UNC93A: variants seen among roughly 807,000 people sequenced by gnomAD.
UNC93A encodes unc-93 homolog A.
A neutral mutation model predicts 47.5 loss-of-function variants in UNC93A; 43 were observed. The observed-to-expected ratio is 0.91, with a 90% confidence interval of 0.71 to 1.17. The LOEUF (loss-of-function observed/expected upper bound fraction) is 1.17. Among genes scored for constraint, UNC93A ranks in the 50% most tolerant of loss-of-function variants. The probability of loss-of-function intolerance (pLI) is 0.00; values close to 1 mark genes in which losing one functional copy is unlikely to be tolerated. For missense variants in UNC93A, 605 were observed against 577.6 expected (o/e 1.05, Z -0.49); for synonymous variants, 280 against 258.0 (o/e 1.09, Z -0.82).
intron 4 of UNC93A, among the ~76,000 whole-genome samples, chr6:167,300,845 C>T (rs1171029469): frequency 6.6e-6 from 1 of 152,202 alleles, no homozygotes; most frequent in Non-Finnish European, 1.5e-5. Flanking sequence ...AGTTAGGCAG[C>T]CACCAACAAA....
intron 7 of UNC93A, among the ~76,000 whole-genome samples, chr6:167,310,130 TC>T (rs139403283): frequency 6.6e-6 from 1 of 152,302 alleles, no homozygotes; most frequent in African/African-American, 2.4e-5. Flanking sequence ...GTTTAAACTG[TC>T]CCCTGGATGT....
At chr6:167,298,693 C>T (rs530475429) in intron 4 of UNC93A, among the ~76,000 whole-genome samples, 60 of 152,218 alleles carry the variant, frequency 3.9e-4, no homozygotes, top group Non-Finnish European at 7.4e-4. Context: ...CTTAGAAGTT[C>T]ATTTTAATAG....
At chr6:167,307,696 C>T (rs896448285) in intron 6 of UNC93A, 83 bp from the exon 7 acceptor site, 2 of 1,557,010 alleles carry the variant, frequency 1.3e-6, no homozygotes, top group Admixed American at 1.7e-5. Flanking sequence ...GAGATGGTTG[C>T]TCCAGCACTG....
chr6:167,312,754 T>C (rs889513078), intron 7 of UNC93A, among the ~76,000 whole-genome samples: 6 of 152,258 alleles, frequency 3.9e-5, no homozygotes, highest in Admixed American at 3.9e-4. Flanking sequence ...TTTTAAAAAA[T>C]GTCTTTCCCC....
At chr6:167,270,569 C>T (rs1052720029), upstream of UNC93A, among the ~76,000 whole-genome samples, 9 of 151,990 alleles carry the variant, frequency 5.9e-5, no homozygotes, top group Admixed American at 1.3e-4. Flanking sequence ...TTGCATCCCC[C>T]GGAAAGGTAT....
chr6:167,282,401 G>T (rs1218761916), intron 1 of UNC93A, among the ~76,000 whole-genome samples: 3 of 152,134 alleles, frequency 2.0e-5, no homozygotes, highest in East Asian at 3.9e-4. Context: ...GTGGGGGAGG[G>T]GGATTTTTTG....
chr6:167,303,574 C>T (rs1379232116), intron 4 of UNC93A, among the ~76,000 whole-genome samples: 1 of 151,954 alleles, frequency 6.6e-6, no homozygotes, highest in African/African-American at 2.4e-5. Flanking sequence ...TTAGAAATTG[C>T]GTTGGGGATT....
rs561345433 is a variant in UNC93A at position 167,299,751 on chromosome 6, A to C, written c.625+1681A>C. 2.6e-5 allele frequency among the ~76,000 whole-genome samples: 4 copies of C among 152,278 alleles called. No individual in the cohort carries two copies. The South Asian group carries it at 8.3e-4, about 32-fold the overall frequency. On this transcript the variant is annotated intron_variant, in intron 4 of 7. Transcript: ENST00000230256. ...TGAGCAAGATTTGGCCAGGCAGGGAAGTGATGCTGAAGTCCCTGGAGGCGA... is the reference window on the plus strand; with the variant it reads ...TGAGCAAGATTTGGCCAGGCAGGGACGTGATGCTGAAGTCCCTGGAGGCGA...
chr6:167,290,025 G>A (rs897526667), upstream of UNC93A, among the ~76,000 whole-genome samples: 2 of 152,002 alleles, frequency 1.3e-5, no homozygotes, highest in African/African-American at 2.4e-5. Context: ...GCTATATATC[G>A]GGTGCTGTTC....
chr6:167,310,627 T>C (rs1778531353), intron 7 of UNC93A, among the ~76,000 whole-genome samples: 1 of 152,202 alleles, frequency 6.6e-6, no homozygotes, highest in Non-Finnish European at 1.5e-5. Flanking sequence ...ACCCCTGTAA[T>C]CCCACCACTT....
intron 1 of UNC93A, among the ~76,000 whole-genome samples, chr6:167,284,695 A>G (rs970437075): frequency 6.6e-6 from 1 of 152,288 alleles, no homozygotes; most frequent in Non-Finnish European, 1.5e-5. Flanking sequence ...ATTCCTTGGA[A>G]AAACAGAGTC....
At chr6:167,306,420 G>T (rs904936717) in intron 6 of UNC93A, among the ~76,000 whole-genome samples, 2 of 152,208 alleles carry the variant, frequency 1.3e-5, no homozygotes, top group South Asian at 2.1e-4. Flanking sequence ...ACACGCTGGG[G>T]TTGGGGCAGC....
At chr6:167,277,901 C>A (rs1041222079) in intron 1 of UNC93A, among the ~76,000 whole-genome samples, 2 of 152,102 alleles carry the variant, frequency 1.3e-5, no homozygotes, top group Admixed American at 1.3e-4. Context: ...TGGCAGCTGA[C>A]TTTCCTGTCC....
intron 7 of UNC93A, among the ~76,000 whole-genome samples, chr6:167,311,894 G>A (rs576364908): frequency 6.8e-6 from 1 of 147,556 alleles, no homozygotes; most frequent in Non-Finnish European, 1.5e-5. Context: ...ACAGAGCCAC[G>A]GCACATTCGT....
chr6:167,284,285 TAG>T (rs1200768328), intron 1 of UNC93A, among the ~76,000 whole-genome samples: 1 of 151,804 alleles, frequency 6.6e-6, no homozygotes, highest in Non-Finnish European at 1.5e-5. Context: ...TTTTTCTTCA[TAG>T]ACCACAATGA....
chr6:167,301,881 A>G (rs538733903), intron 4 of UNC93A, among the ~76,000 whole-genome samples: 1 of 152,220 alleles, frequency 6.6e-6, no homozygotes, highest in East Asian at 1.9e-4. Flanking sequence ...TAAATACCCT[A>G]TGGCCTCCTG....
At chr6:167,295,373 TC>T (rs1460015233) in intron 2 of UNC93A, among the ~76,000 whole-genome samples, 2 of 152,016 alleles carry the variant, frequency 1.3e-5, no homozygotes, top group African/African-American at 4.8e-5. Flanking sequence ...ACCGGGGCTG[TC>T]CCTCGGCCTC....
chr6:167,298,490 A>G, intron 4 of UNC93A: 1 of 152,820 alleles, frequency 6.5e-6, no homozygotes. Flanking sequence ...AGCTGTGGCC[A>G]AGGGGCCCTG....
Position 167,296,018 on chromosome 6 carries a change from C to A in UNC93A, c.270-14C>A. 1 of 1,612,592 alleles carries A rather than the reference C, an allele frequency of 6.2e-7. No individual in the cohort carries two copies. The highest frequency in any genetic ancestry group is 8.5e-7 in the Non-Finnish European group (1 of 1,178,714). On this transcript the variant is annotated splice_polypyrimidine_tract_variant and intron_variant, in intron 2 of 7. Coordinates refer to ENST00000230256, the MANE Select transcript of UNC93A (RefSeq NM_018974.4). ...TCTCCTGTTACAGGCTATGGGTCTG[C>A]ATTTTACCCACAGGTACACTTTGAT...
Sources: gnomAD v4.1 joint callset for allele counts (sites outside exome capture counted in the v4.1 genomes callset) on GRCh38, gnomAD v4.1.1 for gene constraint, MANE v1.5 for transcripts, NCBI Gene and HGNC (gene_info 2026-07-23, HGNC 2026-07-21) for gene names.